Variants in DAB1 observed in about 807,000 individuals in gnomAD.
DAB1 encodes the protein disabled homolog 1.
In DAB1, 15 loss-of-function variants were observed where a neutral mutation model predicts 64.6. That is an observed-to-expected ratio of 0.23 (90% CI 0.16 to 0.36). The LOEUF (loss-of-function observed/expected upper bound fraction) is 0.36, where lower values mean the gene tolerates loss of function less well. Ranked by LOEUF, DAB1 falls within the 10% of genes least tolerant of loss-of-function variation. The pLI, the probability that DAB1 is intolerant of heterozygous loss-of-function variation, is 1.00. For missense variants in DAB1, 596 were observed against 706.7 expected, an observed-to-expected ratio of 0.84 and a Z score of 1.78; for synonymous variants, 235 against 251.9, an observed-to-expected ratio of 0.93 and a Z score of 0.64.
At chr1:57,988,518 C>T (rs1646276930) in intron 5 of DAB1, among the ~76,000 whole-genome samples, 1 of 152,174 alleles carries the variant, frequency 6.6e-6, no homozygotes, top group East Asian at 1.9e-4. Flanking sequence ...GGAGAAGACC[C>T]CTCACACTGA....
At chr1:57,091,782 A>G (rs1268219769) in intron 4 of DAB1, among the ~76,000 whole-genome samples, 1 of 152,246 alleles carries the variant, frequency 6.6e-6, no homozygotes, top group Non-Finnish European at 1.5e-5. Flanking sequence ...ATGATTCAAT[A>G]GCTTATACTA....
intron 7 of DAB1, among the ~76,000 whole-genome samples, chr1:57,436,943 G>GT (rs1685718598): frequency 6.6e-6 from 1 of 150,536 alleles, no homozygotes. Flanking sequence ...CAGGAGAATG[G>GT]TGTGAACCTG....
chr1:57,221,810 C>T (rs1347597643), intron 2 of DAB1, among the ~76,000 whole-genome samples: 1 of 152,074 alleles, frequency 6.6e-6, no homozygotes, highest in African/African-American at 2.4e-5. Context: ...CAAGACATCT[C>T]CTAACTGCAA....
chr1:57,179,294 T>C (rs1263696188), intron 2 of DAB1, among the ~76,000 whole-genome samples: 1 of 152,108 alleles, frequency 6.6e-6, no homozygotes, highest in African/African-American at 2.4e-5. Context: ...GCGAGGTGAA[T>C]GGTGGATCAA....
chr1:57,357,751 C>T (rs568193976), intron 1 of DAB1, among the ~76,000 whole-genome samples: 150 of 151,820 alleles, frequency 9.9e-4, no homozygotes, highest in South Asian at 2.7e-3. Flanking sequence ...TCTCACGTGG[C>T]GGCAGGAGAG....
chr1:57,248,795 T>C (rs1317340411), intron 2 of DAB1, among the ~76,000 whole-genome samples: 4 of 152,232 alleles, frequency 2.6e-5, no homozygotes, highest in African/African-American at 9.6e-5. Flanking sequence ...CACAGGTATC[T>C]GCATTTGCTC....
chr1:57,815,754 A>C (rs12095534), intron 6 of DAB1, among the ~76,000 whole-genome samples: 2,665 of 152,104 alleles, frequency 0.018, 87 homozygotes, highest in African/African-American at 0.062. Flanking sequence ...TCAGCATGCT[A>C]CCTGCTTGAC....
At chr1:58,105,921 T>C (rs1651607198) in intron 5 of DAB1, among the ~76,000 whole-genome samples, 1 of 152,170 alleles carries the variant, frequency 6.6e-6, no homozygotes, top group Admixed American at 6.5e-5. Context: ...TCAACAAAAC[T>C]TCATTTAGCA....
chr1:58,197,207 T>C (rs936403186), intron 4 of DAB1, among the ~76,000 whole-genome samples: 6 of 152,170 alleles, frequency 3.9e-5, no homozygotes, highest in African/African-American at 1.4e-4. Flanking sequence ...TGAGGTTTTA[T>C]TATATTAAAC....
At chr1:57,490,674 G>T (rs1644151496) in intron 7 of DAB1, among the ~76,000 whole-genome samples, 1 of 152,142 alleles carries the variant, frequency 6.6e-6, no homozygotes, top group South Asian at 2.1e-4. Flanking sequence ...GTTTCTGATA[G>T]AAAATGTTAT....
At chr1:58,463,317 C>A (rs1645262257) in intron 3 of DAB1, among the ~76,000 whole-genome samples, 1 of 152,046 alleles carries the variant, frequency 6.6e-6, no homozygotes, top group Non-Finnish European at 1.5e-5. Context: ...CTGGGGACTC[C>A]TAGACATAAG....
At chr1:58,538,566 C>A (rs1646554632) in intron 1 of DAB1, among the ~76,000 whole-genome samples, 1 of 151,928 alleles carries the variant, frequency 6.6e-6, no homozygotes, top group South Asian at 2.1e-4. Flanking sequence ...AATTAGTATG[C>A]AGGAAATTGT....
chr1:57,733,949 G>A (rs1011123066), intron 6 of DAB1, among the ~76,000 whole-genome samples: 1 of 152,046 alleles, frequency 6.6e-6, no homozygotes, highest in East Asian at 1.9e-4. Context: ...AGGAAAGGTG[G>A]GCATTTCCTT....
intron 4 of DAB1, among the ~76,000 whole-genome samples, chr1:58,295,149 G>T (rs1661939830): frequency 6.6e-6 from 1 of 151,904 alleles, no homozygotes; most frequent in Non-Finnish European, 1.5e-5. Context: ...TGTTGCTCCT[G>T]GTCTCCTCCT....
At chr1:57,223,927 G>A (rs1475003281) in intron 2 of DAB1, among the ~76,000 whole-genome samples, 2 of 152,138 alleles carry the variant, frequency 1.3e-5, no homozygotes, top group African/African-American at 4.8e-5. Flanking sequence ...AACTGGCTTT[G>A]GAGTCAGAAA....
chr1:57,297,814 T>A (rs1019097172), intron 1 of DAB1, among the ~76,000 whole-genome samples: 8 of 152,212 alleles, frequency 5.3e-5, no homozygotes, highest in African/African-American at 1.4e-4. Context: ...GCATACTTTC[T>A]AATTCCCAAG....
intron 2 of DAB1, among the ~76,000 whole-genome samples, chr1:57,213,631 GAAGA>G (rs1490261135): frequency 6.6e-6 from 1 of 152,186 alleles, no homozygotes. Context: ...CTCCTTAGGT[GAAGA>G]ATTAAGGAGA....
intron 2 of DAB1, among the ~76,000 whole-genome samples, chr1:57,216,428 A>C (rs1191692912): frequency 6.6e-6 from 1 of 152,166 alleles, no homozygotes; most frequent in Non-Finnish European, 1.5e-5. Context: ...AGGTCCTATA[A>C]AGTACGGGAA....
chr1:57,535,708 C>G (rs1047639360), intron 7 of DAB1, among the ~76,000 whole-genome samples: 1 of 152,118 alleles, frequency 6.6e-6, no homozygotes, highest in Non-Finnish European at 1.5e-5. Context: ...GATCCACCCG[C>G]CTCAGCCTCC....
Sources: allele counts gnomAD v4.1 joint callset (sites outside exome capture counted in the v4.1 genomes callset), GRCh38; gene constraint gnomAD v4.1.1; transcripts MANE v1.5; gene names NCBI Gene and HGNC (gene_info 2026-07-23, HGNC 2026-07-21).